The following MARVELD2 variants were observed in gnomAD, a reference collection of about 807,000 sequenced individuals.
The protein encoded by MARVELD2 is MARVEL domain-containing protein 2.
MARVELD2 carries 49 observed loss-of-function variants against 57.6 expected under a neutral mutation model. That is an observed-to-expected ratio of 0.85 (90% CI 0.68 to 1.08). MARVELD2 has a LOEUF of 1.08. MARVELD2 is among the 50% of genes least tolerant of loss of function. The pLI is 0.00. For synonymous variants in MARVELD2, 238 were observed against 258.8 expected, an observed-to-expected ratio of 0.92 and a Z score of 0.77; for missense variants, 606 against 701.1, an observed-to-expected ratio of 0.86 and a Z score of 1.53.
intron 5 of MARVELD2, among the ~76,000 whole-genome samples, chr5:69,436,833 A>G (rs1273242804): frequency 6.6e-6 from 1 of 151,912 alleles, no homozygotes; most frequent in Non-Finnish European, 1.5e-5. Flanking sequence ...GAAAATCCTG[A>G]CCTGTAAGGC....
In MARVELD2 at chr5:69,420,485, G is replaced by T. The variant is rs139908851; in HGVS notation, c.1100G>T (p.Arg367Met). ...GCTTTGGTTTGCCTAAAGTTATGGA[G>T]GCATGAGGCAGCTCGGAGACATAGA... ...ISALVCLKLWRHEAARRHREY... is the reference protein window; with the variant it reads ...ISALVCLKLWMHEAARRHREY... Residue 367 changes from arginine (R) to methionine (M), a missense_variant, in exon 2 of 7, where the codon AGG becomes ATG. Coordinates refer to ENST00000325631, the MANE Select transcript of MARVELD2 (RefSeq NM_001038603.3). 44 of 1,613,314 alleles carry T rather than the reference G, an allele frequency of 2.7e-5. No homozygotes were observed. In the African/African-American group the frequency reaches 5.7e-4, roughly 21 times the overall value.
intron 6 of MARVELD2, among the ~76,000 whole-genome samples, chr5:69,441,059 G>A (rs1465796676): frequency 1.3e-5 from 2 of 152,004 alleles, no homozygotes; most frequent in African/African-American, 4.8e-5. Context: ...CTCTAGCCTG[G>A]GCAACAAAGT....
Position 69,419,392 on chromosome 5 carries a change from A to G in MARVELD2, c.7A>G (p.Asn3Asp), listed in dbSNP as rs765300957. 7.2e-5 allele frequency: 116 copies of G among 1,614,214 alleles called. No homozygotes were observed. The South Asian group carries it at 1.2e-3, about 16-fold the overall frequency. Residue 3 changes from asparagine (N) to aspartate (D), a missense_variant, in exon 2 of 7, where the codon AAT becomes GAT. Transcript: ENST00000325631. ...ACAGGTGTGAAAATCACAAATGTCA[A>G]ATGATGGAAGATCCAGGAATCGGGA... MS[N>D]DGRSRNRDRR... is the part of the protein sequence containing the mutation.
chr5:69,433,840 G>A (rs1405652410), intron 5 of MARVELD2: 1 of 152,014 alleles, frequency 6.6e-6, no homozygotes, highest in Non-Finnish European at 1.5e-5. Context: ...TCCTCAAGGT[G>A]TCTAGTCAAG....
chr5:69,441,933 G>A lies in MARVELD2; in HGVS notation c.*279G>A, dbSNP rs1767341413. 8.1e-6 allele frequency: 2 copies of A among 247,280 alleles called. No individual in the cohort carries two copies. Among genetic ancestry groups the A allele is most frequent in the South Asian group, 5.5e-5 (1 of 18,262 alleles). The allele number at this position is 247,280 out of a possible 1,614,324, so 15.3% of individuals were successfully genotyped here. The stretch of plus-strand genomic sequence containing the variant: ...AACTACTTTTTTTAAAAAATAGCAA[G>A]TTTACTATTTATTTACTGCCTTTTT... On this transcript the variant is annotated 3_prime_UTR_variant, in exon 7 of 7. Coordinates refer to ENST00000325631, the MANE Select transcript of MARVELD2 (RefSeq NM_001038603.3).
At chr5:69,416,217 G>C (rs1332118787) in intron 1 of MARVELD2, among the ~76,000 whole-genome samples, 1 of 152,120 alleles carries the variant, frequency 6.6e-6, no homozygotes, top group Non-Finnish European at 1.5e-5. Context: ...ACATTTCTTA[G>C]GAATGTGTTT....
chr5:69,436,276 G>C (rs956483542), intron 5 of MARVELD2, among the ~76,000 whole-genome samples: 1 of 151,742 alleles, frequency 6.6e-6, no homozygotes, highest in Admixed American at 6.6e-5. Flanking sequence ...CAGGCAAGTC[G>C]TGTGAACCCG....
chr5:69,419,541 A>T lies in MARVELD2; in HGVS notation c.156A>T (p.Pro52=), dbSNP rs138816138. Residue 52 remains proline, a synonymous_variant, in exon 2 of 7, where the codon CCA becomes CCT. Coordinates refer to ENST00000325631, the MANE Select transcript of MARVELD2 (RefSeq NM_001038603.3). The stretch of plus-strand genomic sequence containing the variant: ...ATCCCTTGCCACCACCCCCTCTCCC[A>T]TTACAGCCACCATTCGGCCCAGACT... ...SADPLPPPPL[P]LQPPFGPDFY... 5.0e-5 allele frequency: 81 copies of T among 1,614,118 alleles called. No individual in the cohort carries two copies. In the African/African-American group the frequency reaches 8.4e-4, roughly 17 times the overall value.
Position 69,420,448 on chromosome 5 carries a change from T to G in MARVELD2, c.1063T>G (p.Tyr355Asp). Residue 355 changes from tyrosine (Y) to aspartate (D), a missense_variant, in exon 2 of 7, where the codon TAT (tyrosine) becomes GAT (aspartate). Transcript: ENST00000325631. Reference sequence around the variant, plus strand: ...CTTCCTGTTTGTCACCATGATAGTTTATCTCATTAGTGCTTTGGTTTGCCT... The same window carrying G: ...CTTCCTGTTTGTCACCATGATAGTTGATCTCATTAGTGCTTTGGTTTGCCT... ...MIFLFVTMIVYLISALVCLKL... is the reference protein window; with the variant it reads ...MIFLFVTMIVDLISALVCLKL... 1 of 1,613,804 alleles carries G rather than the reference T, an allele frequency of 6.2e-7. No homozygotes were observed. The highest frequency in any genetic ancestry group is 8.5e-7 in the Non-Finnish European group (1 of 1,180,014).
At chr5:69,437,016 G>A (rs762663290) in intron 5 of MARVELD2, among the ~76,000 whole-genome samples, 4 of 151,150 alleles carry the variant, frequency 2.6e-5, no homozygotes, top group South Asian at 2.1e-4. Flanking sequence ...AGGTGAAACC[G>A]CGTCTCTACT....
chr5:69,442,949 C>T lies in MARVELD2; in HGVS notation c.*1295C>T, dbSNP rs1159598772. The T allele has an allele frequency of 1.3e-5, 2 of 151,980 alleles. No individual in the cohort carries two copies. The highest frequency in any genetic ancestry group is 2.9e-5 in the Non-Finnish European group (2 of 68,188). The allele number at this position is 151,980 out of a possible 1,614,324, so 9.4% of individuals were successfully genotyped here. On this transcript the variant is annotated 3_prime_UTR_variant, in exon 7 of 7. Coordinates refer to ENST00000325631, the MANE Select transcript of MARVELD2 (RefSeq NM_001038603.3). ...GTTCACGTCATTTTCCTGCCTCAGC[C>T]TCCCGAGTAGCTGGGACTACAGGCA...
rs1767408182 is a variant in MARVELD2, at chr5:69,444,303, T to G, written c.*2649T>G. 6.6e-6 allele frequency: 1 copy of G among 152,128 alleles called. No homozygotes were observed. Among genetic ancestry groups the G allele is most frequent in the Admixed American group, 6.6e-5 (1 of 15,260 alleles). The allele number at this position is 152,128 out of a possible 1,614,324, so 9.4% of individuals were successfully genotyped here. ...GAAAATATTTTCACTTGTCAGAAAA[T>G]AAACTGGAAAGTCATTGAAAACCCG... On this transcript the variant is annotated 3_prime_UTR_variant, in exon 7 of 7. Transcript: ENST00000325631.
In MARVELD2 at chr5:69,420,338, G is replaced by T; in HGVS notation, c.953G>T (p.Gly318Val). The change falls in exon 2 of 7, where the codon GGT (glycine) becomes GTT (valine). Residue 318 changes from glycine to valine, a missense_variant. Physicochemically the swap from Gly to Val is moderately radical, Grantham distance 109 (BLOSUM62 -3). Coordinates refer to ENST00000325631, the MANE Select transcript of MARVELD2 (RefSeq NM_001038603.3). ...AIVYVNDTNR[G>V]GLCYYPLFNT... ...GTCTATGTGAATGATACCAACCGAG[G>T]TGGCCTCTGCTACTATCCGTTATTT... The T allele has an allele frequency of 6.2e-7, 1 of 1,614,168 alleles. No individual in the cohort carries two copies. The highest frequency in any genetic ancestry group is 1.1e-5 in the South Asian group (1 of 91,082).
chr5:69,430,626 C>T (rs901346561), intron 3 of MARVELD2, among the ~76,000 whole-genome samples: 28 of 151,508 alleles, frequency 1.8e-4, no homozygotes, highest in African/African-American at 6.3e-4. Flanking sequence ...CTCCGCCTCC[C>T]GGGCTCAAGC....
intron 4 of MARVELD2, 83 bp from the exon 5 acceptor site, chr5:69,432,839 C>A: frequency 6.4e-7 from 1 of 1,560,496 alleles, no homozygotes; most frequent in South Asian, 1.1e-5. Flanking sequence ...ACAATATGAT[C>A]AGTAAGGAAT....
At position 69,441,727 on chromosome 5, in the gene MARVELD2, G is replaced by C; in HGVS notation, c.*73G>C. 2.7e-6 allele frequency: 3 copies of C among 1,117,300 alleles called. No homozygotes were observed. In the South Asian group the frequency reaches 4.1e-5, roughly 15 times the overall value. 69.2% of individuals were successfully genotyped at this position (1,117,300 alleles called of 1,614,324 possible). On this transcript the variant is annotated 3_prime_UTR_variant, in exon 7 of 7. Coordinates refer to ENST00000325631, the MANE Select transcript of MARVELD2 (RefSeq NM_001038603.3). ...AGATGAAGTCTCGCTCTGTTACCCA[G>C]GCTGGAATGCAGTGGCACAATCTCG...
chr5:69,439,221 C>T (rs915221652), intron 5 of MARVELD2, among the ~76,000 whole-genome samples: 6 of 151,658 alleles, frequency 4.0e-5, no homozygotes, highest in African/African-American at 1.2e-4. Flanking sequence ...AGTGCAGTGG[C>T]GTGATCTTGG....
At chr5:69,415,934 TA>T (rs1469005593) in intron 1 of MARVELD2, among the ~76,000 whole-genome samples, 1 of 152,214 alleles carries the variant, frequency 6.6e-6, no homozygotes, top group Non-Finnish European at 1.5e-5. Context: ...TGAAAGACAT[TA>T]GGGGTATCCA....
Position 69,419,946 on chromosome 5 carries a change from G to A in MARVELD2, c.561G>A (p.Lys187=). ...EEYNLRYSYM[K]SWAGLLRILG... is the part of the protein sequence containing the mutation. ...ATAACCTGAGATACTCCTACATGAA[G>A]TCGTGGGCAGGCCTGCTGAGAATAC... Residue 187 remains lysine (K), a synonymous_variant, in exon 2 of 7, where the codon AAG becomes AAA. Coordinates refer to ENST00000325631, the MANE Select transcript of MARVELD2 (RefSeq NM_001038603.3). 1 of 1,614,192 alleles carries A rather than the reference G, an allele frequency of 6.2e-7. No homozygotes were observed. Among genetic ancestry groups the A allele is most frequent in the Non-Finnish European group, 8.5e-7 (1 of 1,180,034 alleles).
Sources: allele counts gnomAD v4.1 joint callset (sites outside exome capture counted in the v4.1 genomes callset), GRCh38; gene constraint gnomAD v4.1.1; transcripts MANE v1.5; gene names NCBI Gene and HGNC (gene_info 2026-07-23, HGNC 2026-07-21).